Variants in PROS1 observed in about 807,000 individuals in gnomAD.
PROS1 encodes vitamin K-dependent protein S.
A neutral mutation model predicts 75.9 loss-of-function variants in PROS1; 29 were observed. That is an observed-to-expected ratio of 0.38 (90% confidence interval 0.28 to 0.52). PROS1 has a LOEUF of 0.52. PROS1 is among the 20% of genes least tolerant of loss of function. The pLI is 0.83. For missense variants in PROS1, 680 were observed against 810.3 expected (o/e 0.84, Z 1.95); for synonymous variants, 245 against 280.6 (o/e 0.87, Z 1.27).
rs571616377 is a variant in PROS1 at position 93,913,257 on chromosome 3, C to G, written c.260-2552G>C. Among the ~76,000 whole-genome samples, 10 of 152,276 alleles carry G rather than the reference C, an allele frequency of 6.6e-5. No homozygotes were observed. In the East Asian group the frequency reaches 1.9e-3, roughly 29 times the overall value. The stretch of plus-strand genomic sequence containing the variant: ...CTGATATAGTTTGGCTGTGTCCCAA[C>G]CCAAATCTCATTTTGAATTGTAATA... On this transcript the variant is annotated intron_variant, in intron 3 of 14. Transcript: ENST00000394236.
intron 1 of PROS1, among the ~76,000 whole-genome samples, chr3:93,956,307 A>G (rs566096251): frequency 3.3e-5 from 5 of 152,222 alleles, no homozygotes; most frequent in African/African-American, 1.2e-4. Context: ...TTACTATTAA[A>G]TTGTGTATTT....
At chr3:93,945,411 A>G (rs988954248) in intron 1 of PROS1, among the ~76,000 whole-genome samples, 9 of 152,254 alleles carry the variant, frequency 5.9e-5, no homozygotes, top group African/African-American at 1.9e-4. Context: ...GAAATCCTCA[A>G]TAAAATACTG....
At chr3:93,946,573 A>T (rs374188126) in intron 1 of PROS1, among the ~76,000 whole-genome samples, 1 of 152,088 alleles carries the variant, frequency 6.6e-6, no homozygotes. Flanking sequence ...CCCTATTTAA[A>T]AAATGGTGCT....
At chr3:93,965,947 G>A (rs563383755) in intron 1 of PROS1, among the ~76,000 whole-genome samples, 14 of 152,138 alleles carry the variant, frequency 9.2e-5, no homozygotes, top group South Asian at 8.3e-4. Context: ...CACCTGCCTC[G>A]GCCTCCCAAA....
Position 93,879,219 on chromosome 3 carries a change from T to C in PROS1, c.1588A>G (p.Asn530Asp). 1.2e-6 allele frequency: 2 copies of C among 1,614,178 alleles called. No homozygotes were observed. Among genetic ancestry groups the C allele is most frequent in the East Asian group, 4.5e-5 (2 of 44,866 alleles). Residue 530 changes from asparagine (N) to aspartate (D), a missense_variant, in exon 13 of 15, where the codon AAC (asparagine) becomes GAC (aspartate). Physicochemically the swap from Asn to Asp is conservative, Grantham distance 23. Coordinates refer to ENST00000394236, the MANE Select transcript of PROS1 (RefSeq NM_000313.4). ...GACACAGCAAAGGGCACTGTGTTGT[T>C]ACCAGAAACCAAGGCAAGCATAACA... is the stretch of plus-strand genomic sequence containing the variant. ...TGVMLALVSGNNTVPFAVSLV... is the reference protein window; with the variant it reads ...TGVMLALVSGDNTVPFAVSLV...
intron 9 of PROS1, among the ~76,000 whole-genome samples, chr3:93,894,272 A>G (rs1708471770): frequency 6.6e-6 from 1 of 152,190 alleles, no homozygotes; most frequent in Non-Finnish European, 1.5e-5. Flanking sequence ...GAATGTTTTC[A>G]TCTTTAGAAT....
rs1227721912 is a variant in PROS1 at position 93,873,308 on chromosome 3, T to C, written c.*937A>G. On this transcript the variant is annotated 3_prime_UTR_variant, in exon 15 of 15. Transcript: ENST00000394236. Reference sequence around the variant, plus strand: ...TACCTCCTTACTTCTTTGATTACAATGATACGATATTCACTATATCCCTCT... The same window carrying C: ...TACCTCCTTACTTCTTTGATTACAACGATACGATATTCACTATATCCCTCT... 1 of 152,234 alleles carries C rather than the reference T, an allele frequency of 6.6e-6. No homozygotes were observed. The highest frequency in any genetic ancestry group is 1.5e-5 in the Non-Finnish European group (1 of 68,028). 9.4% of individuals were successfully genotyped at this position (152,234 alleles called of 1,614,324 possible).
At chr3:93,957,652 A>C (rs1217994044) in intron 1 of PROS1, among the ~76,000 whole-genome samples, 2 of 152,198 alleles carry the variant, frequency 1.3e-5, no homozygotes, top group African/African-American at 4.8e-5. Context: ...AAAATATCAA[A>C]ACACTACATT....
chr3:93,903,760 C>T (rs1466218837), intron 6 of PROS1, among the ~76,000 whole-genome samples: 2 of 151,950 alleles, frequency 1.3e-5, no homozygotes, highest in African/African-American at 4.8e-5. Flanking sequence ...TTACAAAATG[C>T]ATATGGTATC....
chr3:93,904,967 G>A (rs1708651880), intron 6 of PROS1, among the ~76,000 whole-genome samples: 2 of 152,126 alleles, frequency 1.3e-5, no homozygotes, highest in African/African-American at 4.8e-5. Context: ...AAGGTATAAA[G>A]AGAAAGAAAA....
At chr3:93,973,123 T>C (rs1240048356) in intron 1 of PROS1, among the ~76,000 whole-genome samples, 1 of 152,132 alleles carries the variant, frequency 6.6e-6, no homozygotes, top group Admixed American at 6.6e-5. Flanking sequence ...TATTTAACAG[T>C]CCTTTTGATT....
intron 1 of PROS1, among the ~76,000 whole-genome samples, chr3:93,972,754 C>CATG (rs1709897932): frequency 1.3e-5 from 2 of 151,716 alleles, no homozygotes; most frequent in Admixed American, 6.6e-5. Context: ...GAGGCTGAGG[C>CATG]ATGAGTATCA....
intron 14 of PROS1, among the ~76,000 whole-genome samples, chr3:93,875,533 G>A (rs1708169520): frequency 6.6e-6 from 1 of 152,082 alleles, no homozygotes; most frequent in South Asian, 2.1e-4. Context: ...CAACTAACTT[G>A]TGGATAAGGT....
chr3:93,963,130 G>A (rs957531335), intron 1 of PROS1, among the ~76,000 whole-genome samples: 4 of 152,276 alleles, frequency 2.6e-5, no homozygotes, highest in African/African-American at 9.6e-5. Flanking sequence ...AGATCTCCAC[G>A]ATTTGTGCAA....
At chr3:93,943,793 T>A (rs1008098536) in intron 1 of PROS1, among the ~76,000 whole-genome samples, 1 of 152,096 alleles carries the variant, frequency 6.6e-6, no homozygotes, top group African/African-American at 2.4e-5. Flanking sequence ...AAATGGCCTG[T>A]TCCTGCCTTA....
At chr3:93,939,409 T>A (rs1709244266) in intron 1 of PROS1, among the ~76,000 whole-genome samples, 2 of 151,898 alleles carry the variant, frequency 1.3e-5, no homozygotes, top group African/African-American at 4.8e-5. Context: ...ACCAATCTGA[T>A]CTCTCCCCTC....
intron 9 of PROS1, among the ~76,000 whole-genome samples, chr3:93,895,711 G>A (rs1576181389): frequency 6.6e-6 from 1 of 151,996 alleles, no homozygotes; most frequent in Non-Finnish European, 1.5e-5. Context: ...TCTGATAACT[G>A]AAGTACAATT....
intron 8 of PROS1, among the ~76,000 whole-genome samples, chr3:93,897,589 C>G (rs899692889): frequency 6.6e-6 from 1 of 151,974 alleles, no homozygotes; most frequent in Non-Finnish European, 1.5e-5. Flanking sequence ...CAAATGCCAA[C>G]TAGCTTATTA....
chr3:93,927,119 G>C lies in PROS1; in HGVS notation c.234+131C>G. 2.6e-6 allele frequency: 3 copies of C among 1,147,998 alleles called. No homozygotes were observed. The South Asian group carries it at 3.9e-5, about 15-fold the overall frequency. The allele number at this position is 1,147,998 out of a possible 1,614,324, so 71.1% of individuals were successfully genotyped here. On this transcript the variant is annotated intron_variant, in intron 2 of 14. Coordinates refer to ENST00000394236, the MANE Select transcript of PROS1 (RefSeq NM_000313.4). Reference sequence around the variant, plus strand: ...AGGTACTTCCTCCTGAAATGGAAGTGGTTATGTGTGGAAGGTGATACACAG... The same window carrying C: ...AGGTACTTCCTCCTGAAATGGAAGTCGTTATGTGTGGAAGGTGATACACAG...
Sources: allele counts gnomAD v4.1 joint callset (sites outside exome capture counted in the v4.1 genomes callset), GRCh38; gene constraint gnomAD v4.1.1; transcripts MANE v1.5; gene names NCBI Gene and HGNC (gene_info 2026-07-23, HGNC 2026-07-21).